Variants in CHD7 observed in about 807,000 individuals in gnomAD.
The protein encoded by CHD7 is ATP-dependent chromatin remodeler CHD7.
In CHD7, 24 loss-of-function variants were observed where a neutral mutation model predicts 307.3. The ratio of observed to expected loss-of-function variants is 0.08; its 90% CI spans 0.06 to 0.11. The LOEUF (loss-of-function observed/expected upper bound fraction) is 0.11, where lower values mean the gene tolerates loss of function less well. Ranked by LOEUF, CHD7 falls within the 10% of genes least tolerant of loss-of-function variation. The pLI is 1.00. For missense variants in CHD7, 3,106 were observed against 3,727.1 expected (o/e 0.83, Z 4.34); for synonymous variants, 1,363 against 1,349.9 (o/e 1.01, Z -0.21).
chr8:60,741,903 A>G lies in CHD7; in HGVS notation c.471A>G (p.Arg157=). ...CTGTTCAGGTACCAGACCAGATACG[A>G]GCCCCCTACCAGCAGCAGCAGCCAC... ...PRAVQVPDQI[R]APYQQQQPQP... is the part of the protein sequence containing the mutation. The change falls in exon 2 of 38, where the codon CGA becomes CGG. Residue 157 remains arginine (R), a synonymous_variant. Transcript: ENST00000423902. The G allele has an allele frequency of 6.2e-7, 1 of 1,613,094 alleles. No homozygotes were observed.
At chr8:60,813,724 G>T (rs1031541328) in intron 7 of CHD7, among the ~76,000 whole-genome samples, 7 of 151,860 alleles carry the variant, frequency 4.6e-5, no homozygotes, top group African/African-American at 1.7e-4. Context: ...AACCAACCTT[G>T]CATTCCTGAA....
At position 60,725,867 on chromosome 8, in the gene CHD7, G is replaced by A. The variant is rs115670811; in HGVS notation, c.-174-15392G>A. Among the ~76,000 whole-genome samples, 372 of 152,298 alleles carry A rather than the reference G, an allele frequency of 2.4e-3. 1 individual carries two copies. Among genetic ancestry groups the A allele is most frequent in the African/African-American group, 8.6e-3 (356 of 41,548 alleles). ...GGGACTGGATCTGGGAGGTACCTGA[G>A]CCGTTTTCCTGGAGGTGGTGCTGGC... On this transcript the variant is annotated intron_variant, in intron 1 of 37. Transcript: ENST00000423902.
chr8:60,822,835 T>G lies in CHD7; in HGVS notation c.3201+89T>G, dbSNP rs1323308337. 2.3e-6 allele frequency: 3 copies of G among 1,312,174 alleles called. No individual in the cohort carries two copies. In the African/African-American group the frequency reaches 4.4e-5, roughly 19 times the overall value. The allele number at this position is 1,312,174 out of a possible 1,614,324, so 81.3% of individuals were successfully genotyped here. The stretch of plus-strand genomic sequence containing the variant: ...TCAAAGTCTTGGTGACTTGGGAAGG[T>G]CTAAATTTTGCCAAATTGAGAAATT... On this transcript the variant is annotated intron_variant, in intron 12 of 37. Transcript: ENST00000423902.
At chr8:60,843,804 G>A (rs1339308537) in intron 21 of CHD7, among the ~76,000 whole-genome samples, 1 of 152,198 alleles carries the variant, frequency 6.6e-6, no homozygotes, top group Non-Finnish European at 1.5e-5. Context: ...GGGAGTGCTG[G>A]GGTTTGGGTA....
intron 6 of CHD7, among the ~76,000 whole-genome samples, chr8:60,802,159 G>A (rs998869481): frequency 2.6e-5 from 4 of 152,200 alleles, no homozygotes; most frequent in Non-Finnish European, 5.9e-5. Context: ...CTGTTCATCT[G>A]CAAAGGTGAG....
At chr8:60,840,347 A>G (rs1412501970) in intron 19 of CHD7, among the ~76,000 whole-genome samples, 1 of 152,142 alleles carries the variant, frequency 6.6e-6, no homozygotes, top group East Asian at 1.9e-4. Flanking sequence ...GTGCACAGCC[A>G]AACTTATCAC....
intron 34 of CHD7, among the ~76,000 whole-genome samples, chr8:60,860,588 C>T (rs1393713756): frequency 6.6e-6 from 1 of 152,242 alleles, no homozygotes; most frequent in East Asian, 1.9e-4. Context: ...GCAAGTGCCA[C>T]CATGCCTGGC....
intron 1 of CHD7, among the ~76,000 whole-genome samples, chr8:60,717,956 A>G (rs1481446401): frequency 1.9e-5 from 2 of 108,060 alleles, no homozygotes; most frequent in Non-Finnish European, 4.7e-5. Flanking sequence ...TACCCCTTCT[A>G]CCATTTTTTT....
intron 4 of CHD7, among the ~76,000 whole-genome samples, chr8:60,799,257 TC>T (rs765074765): frequency 3.3e-5 from 5 of 152,208 alleles, no homozygotes; most frequent in Non-Finnish European, 2.9e-5. Context: ...TTCCCAAACT[TC>T]CTGGAAGTGA....
At chr8:60,794,537 A>T (rs1811925816) in intron 3 of CHD7, among the ~76,000 whole-genome samples, 1 of 152,228 alleles carries the variant, frequency 6.6e-6, no homozygotes. Flanking sequence ...TGGATGGTAT[A>T]AAAGAGGATA....
intron 2 of CHD7, among the ~76,000 whole-genome samples, chr8:60,771,549 A>G (rs1451403594): frequency 6.6e-6 from 1 of 152,190 alleles, no homozygotes; most frequent in Non-Finnish European, 1.5e-5. Flanking sequence ...GGCTTAAAAC[A>G]ATATCTATTT....
At chr8:60,737,144 A>T (rs2150571057) in intron 1 of CHD7, among the ~76,000 whole-genome samples, 2 of 152,036 alleles carry the variant, frequency 1.3e-5, no homozygotes, top group South Asian at 4.1e-4. Context: ...CTGTGCTTGG[A>T]TCTGCCCGTT....
Position 60,841,843 on chromosome 8 carries a change from T to C in CHD7, c.4645-4T>C. On this transcript the variant is annotated splice_polypyrimidine_tract_variant and splice_region_variant and intron_variant, in intron 20 of 37. Transcript: ENST00000423902. ...GTCAAATGTATCTCCTCTTTTATTA[T>C]TAGAACAACCTGGTTATTGATACTC... 1 of 1,607,812 alleles carries C rather than the reference T, an allele frequency of 6.2e-7. No individual in the cohort carries two copies.
intron 1 of CHD7, among the ~76,000 whole-genome samples, chr8:60,685,659 T>C (rs1327285070): frequency 6.6e-6 from 1 of 152,212 alleles, no homozygotes; most frequent in Non-Finnish European, 1.5e-5. Flanking sequence ...CCAATGTTTA[T>C]CAGAATACTT....
At position 60,845,232 on chromosome 8, in the gene CHD7, T is replaced by C; in HGVS notation, c.5051-18T>C. On this transcript the variant is annotated intron_variant, in intron 22 of 37. Coordinates refer to ENST00000423902, the MANE Select transcript of CHD7 (RefSeq NM_017780.4). ...GGAATGTAAAAGGCTTCTATTATTATTATGATGGTGATTCTAGGTTTGTCA... is the reference window on the plus strand; with the variant it reads ...GGAATGTAAAAGGCTTCTATTATTACTATGATGGTGATTCTAGGTTTGTCA... 1 of 1,601,058 alleles carries C rather than the reference T, an allele frequency of 6.2e-7. No individual in the cohort carries two copies. Among genetic ancestry groups the C allele is most frequent in the Non-Finnish European group, 8.5e-7 (1 of 1,172,016 alleles).
chr8:60,830,163 T>TA (rs1257523482), intron 14 of CHD7, among the ~76,000 whole-genome samples, 159 bp from the exon 15 acceptor site: 1 of 152,236 alleles, frequency 6.6e-6, no homozygotes. Flanking sequence ...GCACTGCTCT[T>TA]ATGAAAGCTG....
rs985410435 is a variant in CHD7 at position 60,842,155 on chromosome 8, C to T, written c.4850+103C>T. On this transcript the variant is annotated intron_variant, in intron 21 of 37. Coordinates refer to ENST00000423902, the MANE Select transcript of CHD7 (RefSeq NM_017780.4). ...ATTTGTGTTTGAATTTGTGTGACAC[C>T]CCTTTGCACAGTCAAATGAATGCTT... is the stretch of plus-strand genomic sequence containing the variant. The T allele has an allele frequency of 3.3e-6, 3 of 916,264 alleles. No homozygotes were observed. In the African/African-American group the frequency reaches 5.0e-5, roughly 15 times the overall value. The allele number at this position is 916,264 out of a possible 1,614,324, so 56.8% of individuals were successfully genotyped here.
chr8:60,804,559 T>G (rs1812454961), intron 6 of CHD7, among the ~76,000 whole-genome samples: 1 of 152,226 alleles, frequency 6.6e-6, no homozygotes, highest in Non-Finnish European at 1.5e-5. Context: ...TGTGATTTGG[T>G]GTCTCTAGTA....
intron 1 of CHD7, among the ~76,000 whole-genome samples, chr8:60,680,267 G>A (rs1805536890): frequency 6.6e-6 from 1 of 151,154 alleles, no homozygotes; most frequent in South Asian, 2.1e-4. Context: ...GGAGGGCGGT[G>A]GGGGACGCGT....
Sources: allele counts gnomAD v4.1 joint callset (sites outside exome capture counted in the v4.1 genomes callset), GRCh38; gene constraint gnomAD v4.1.1; transcripts MANE v1.5; gene names NCBI Gene and HGNC (gene_info 2026-07-23, HGNC 2026-07-21).